The following ITGA9 variants were observed in gnomAD, a reference collection of about 807,000 sequenced individuals.
The protein encoded by ITGA9 is integrin alpha-9.
In ITGA9, 56 loss-of-function variants were observed where a neutral mutation model predicts 127.8. The observed-to-expected ratio is 0.44, with a 90% CI of 0.35 to 0.55. The LOEUF is 0.55. ITGA9 is among the 20% of genes least tolerant of loss of function. The pLI, the probability that ITGA9 is intolerant of heterozygous loss-of-function variation, is 0.00. For synonymous variants in ITGA9, 508 were observed against 514.5 expected, an observed-to-expected ratio of 0.99 and a Z score of 0.17; for missense variants, 1,196 against 1,347.1, an observed-to-expected ratio of 0.89 and a Z score of 1.76.
chr3:37,462,900 AG>A (rs1443507935), intron 1 of ITGA9, among the ~76,000 whole-genome samples: 3 of 152,192 alleles, frequency 2.0e-5, no homozygotes, highest in African/African-American at 7.2e-5. Flanking sequence ...AGAAAAGGAA[AG>A]GAAGGGTCAG....
At chr3:37,708,661 C>G in intron 18 of ITGA9, among the ~76,000 whole-genome samples, 1 of 152,296 alleles carries the variant, frequency 6.6e-6, no homozygotes, top group Non-Finnish European at 1.5e-5. Flanking sequence ...CCACAATGCA[C>G]AGGACAGCTC....
At chr3:37,802,488 C>A (rs1324954094) in intron 26 of ITGA9, among the ~76,000 whole-genome samples, 2 of 152,136 alleles carry the variant, frequency 1.3e-5, no homozygotes, top group Non-Finnish European at 2.9e-5. Flanking sequence ...TGGAGAAAGA[C>A]CTGTGGTTGG....
chr3:37,661,596 G>T (rs1205522027), intron 17 of ITGA9, among the ~76,000 whole-genome samples: 3 of 152,230 alleles, frequency 2.0e-5, no homozygotes, highest in Non-Finnish European at 4.4e-5. Flanking sequence ...TCTGAATTTG[G>T]TTGGCAAAGG....
chr3:37,500,769 A>G (rs1415220195), intron 5 of ITGA9, among the ~76,000 whole-genome samples: 1 of 152,166 alleles, frequency 6.6e-6, no homozygotes, highest in African/African-American at 2.4e-5. Flanking sequence ...ATCAACCTGA[A>G]AAGATCTGTT....
At chr3:37,601,656 G>A (rs959975331) in intron 15 of ITGA9, among the ~76,000 whole-genome samples, 20 of 152,186 alleles carry the variant, frequency 1.3e-4, no homozygotes, top group Non-Finnish European at 2.9e-5. Flanking sequence ...ATCAACATGA[G>A]CAGTATTAGT....
chr3:37,453,122 C>A (rs1549597), intron 1 of ITGA9, among the ~76,000 whole-genome samples: 3 of 148,816 alleles, frequency 2.0e-5, no homozygotes, highest in East Asian at 2.2e-4. Context: ...GGCGCCCCCC[C>A]CCCCCCCCAG....
At chr3:37,617,006 T>G (rs147384761) in intron 15 of ITGA9, among the ~76,000 whole-genome samples, 75,248 of 150,798 alleles carry the variant, frequency 0.5, 19,435 homozygotes, top group Non-Finnish European at 0.58. Context: ...CCTGTCATTA[T>G]GATGTTAGCT....
At chr3:37,771,121 T>C (rs1304166459) in intron 23 of ITGA9, among the ~76,000 whole-genome samples, 6 of 152,124 alleles carry the variant, frequency 3.9e-5, no homozygotes, top group African/African-American at 1.4e-4. Context: ...TGAGAAGCAT[T>C]TGGACTCCGG....
intron 15 of ITGA9, among the ~76,000 whole-genome samples, chr3:37,602,776 G>C (rs1699933747): frequency 6.6e-6 from 1 of 152,106 alleles, no homozygotes; most frequent in East Asian, 1.9e-4. Flanking sequence ...ATCAAAACCA[G>C]CACTCTATAT....
In ITGA9 at chr3:37,806,871, A is replaced by T. The variant is rs1352687297; in HGVS notation, c.3009+2929A>T. 2.6e-5 allele frequency: 4 copies of T among 152,178 alleles called. No individual in the cohort carries two copies. Among genetic ancestry groups the T allele is most frequent in the Admixed American group, 6.5e-5 (1 of 15,286 alleles). 9.4% of individuals were successfully genotyped at this position (152,178 alleles called of 1,614,324 possible). A position where few individuals can be genotyped will look rare whatever the true frequency, so the allele number is the denominator to read the frequency against. On this transcript the variant is annotated intron_variant, in intron 27 of 27. Coordinates refer to ENST00000264741, the MANE Select transcript of ITGA9 (RefSeq NM_002207.3). The surrounding 1 kb of genome is among the most constrained non-coding windows in gnomAD (Gnocchi z 4.3). ...TCTCATTTCGGCTCACATTTCTCGAACGCTTACTTTGCCCCAGTCCTTGCT... is the reference window on the plus strand; with the variant it reads ...TCTCATTTCGGCTCACATTTCTCGATCGCTTACTTTGCCCCAGTCCTTGCT...
At chr3:37,690,965 C>T (rs555628432) in intron 18 of ITGA9, among the ~76,000 whole-genome samples, 110 of 152,272 alleles carry the variant, frequency 7.2e-4, no homozygotes, top group African/African-American at 2.5e-3. Flanking sequence ...CAGGGCAACA[C>T]TAGGAAGAGT....
At chr3:37,789,759 A>T (rs761961805) in intron 26 of ITGA9, among the ~76,000 whole-genome samples, 8 of 106,988 alleles carry the variant, frequency 7.5e-5, no homozygotes, top group Non-Finnish European at 1.2e-4. Context: ...ACAGAGTGAG[A>T]CTCCGTCTCA....
At chr3:37,457,932 G>T (rs1698278612) in intron 1 of ITGA9, among the ~76,000 whole-genome samples, 1 of 152,206 alleles carries the variant, frequency 6.6e-6, no homozygotes, top group African/African-American at 2.4e-5. Flanking sequence ...GCCCCAGCCA[G>T]CTCTGATTCC....
At chr3:37,487,540 G>A (rs1480028992) in intron 4 of ITGA9, among the ~76,000 whole-genome samples, 2 of 152,214 alleles carry the variant, frequency 1.3e-5, no homozygotes, top group African/African-American at 4.8e-5. Flanking sequence ...CACAGATTCA[G>A]ATTCACCTAA....
rs553226344 is a variant in ITGA9 at position 37,468,768 on chromosome 3, T to C, written c.186-2239T>C. Among the ~76,000 whole-genome samples the C allele has an allele frequency of 4.1e-4, 62 of 152,358 alleles. 1 individual carries two copies. The highest frequency in any genetic ancestry group is 3.5e-3 in the Admixed American group (54 of 15,302). Reference sequence around the variant, plus strand: ...CAAATACATAATATGTAATGCACTCTATTCCAAGGCATGTGGGAGATGATC... The same window carrying C: ...CAAATACATAATATGTAATGCACTCCATTCCAAGGCATGTGGGAGATGATC... On this transcript the variant is annotated intron_variant, in intron 1 of 27. Coordinates refer to ENST00000264741, the MANE Select transcript of ITGA9 (RefSeq NM_002207.3).
chr3:37,655,084 G>A (rs1700464841), intron 17 of ITGA9, among the ~76,000 whole-genome samples: 1 of 152,154 alleles, frequency 6.6e-6, no homozygotes, highest in East Asian at 1.9e-4. Flanking sequence ...TCTTTATCCA[G>A]TCTATCATTG....
chr3:37,532,266 C>T (rs1274031290), intron 13 of ITGA9, among the ~76,000 whole-genome samples: 1 of 152,242 alleles, frequency 6.6e-6, no homozygotes, highest in Non-Finnish European at 1.5e-5. Context: ...AGTCCCCTCA[C>T]CCTATCTGTG....
intron 15 of ITGA9, among the ~76,000 whole-genome samples, chr3:37,574,610 C>T (rs1183876639): frequency 6.6e-6 from 1 of 152,230 alleles, no homozygotes; most frequent in Non-Finnish European, 1.5e-5. Flanking sequence ...CCTAAACTTC[C>T]TGCATTGTCT....
intron 15 of ITGA9, among the ~76,000 whole-genome samples, chr3:37,563,279 C>T (rs905326430): frequency 2.0e-5 from 3 of 152,172 alleles, no homozygotes; most frequent in African/African-American, 4.8e-5. Context: ...TATAACCCGA[C>T]AGTCAGCTGG....
Sources: allele counts gnomAD v4.1 joint callset (sites outside exome capture counted in the v4.1 genomes callset), GRCh38; gene constraint gnomAD v4.1.1; non-coding constraint Gnocchi (gnomAD v3.1); transcripts MANE v1.5; gene names NCBI Gene and HGNC (gene_info 2026-07-23, HGNC 2026-07-21).